RABEP1: variants seen among roughly 807,000 people sequenced by gnomAD.
The protein encoded by RABEP1 is rab GTPase-binding effector protein 1.
RABEP1 carries 51 observed loss-of-function variants against 123.4 expected under a neutral mutation model. The ratio of observed to expected loss-of-function variants is 0.41; its 90% CI spans 0.33 to 0.52. The LOEUF is 0.52. Ranked by LOEUF, RABEP1 falls within the 20% of genes least tolerant of loss-of-function variation. The pLI is 0.16. For missense variants in RABEP1, 888 were observed against 996.3 expected (o/e 0.89, Z 1.46); for synonymous variants, 347 against 355.2 (o/e 0.98, Z 0.26).
chr17:5,311,542 C>G (rs1207130302), intron 2 of RABEP1, among the ~76,000 whole-genome samples: 1 of 151,374 alleles, frequency 6.6e-6, no homozygotes, highest in Non-Finnish European at 1.5e-5. Flanking sequence ...AAAAAAAATA[C>G]AAAAATTAGA....
chr17:5,350,681 A>G (rs375400713), intron 7 of RABEP1, 52 bp downstream of exon 7: 3 of 1,578,024 alleles, frequency 1.9e-6, no homozygotes, highest in Non-Finnish European at 1.7e-6. Flanking sequence ...GTCCCCCACC[A>G]CATGTGATTG....
chr17:5,333,341 T>G (rs1333705361), intron 3 of RABEP1, among the ~76,000 whole-genome samples: 1 of 152,026 alleles, frequency 6.6e-6, no homozygotes, highest in East Asian at 1.9e-4. Context: ...TTTTTGTATT[T>G]TTAGTAGAGA....
intron 1 of RABEP1, among the ~76,000 whole-genome samples, chr17:5,284,851 T>TA (rs11417038): frequency 0.13 from 18,550 of 143,868 alleles, 1,833 homozygotes; most frequent in East Asian, 0.49. Flanking sequence ...TCCTGCTGAT[T>TA]AAAAAAAAAA....
intron 4 of RABEP1, 29 bp downstream of exon 4, chr17:5,335,373 A>C: frequency 1.3e-6 from 2 of 1,569,516 alleles, no homozygotes; most frequent in Non-Finnish European, 1.7e-6. Flanking sequence ...ATTTGTAGAA[A>C]TATTTGAATT....
At chr17:5,315,154 A>C (rs2075283926) in intron 2 of RABEP1, among the ~76,000 whole-genome samples, 1 of 152,260 alleles carries the variant, frequency 6.6e-6, no homozygotes, top group Non-Finnish European at 1.5e-5. Flanking sequence ...AGCTAGATTT[A>C]GGAAGCTATC....
chr17:5,384,263 T>TACAAGCATTAGATTCCTTTC lies in RABEP1; in HGVS notation c.*1041_*1060dup, dbSNP rs1911754542. ...GAATTGGAAATCTGTCTTGTCATTT[T>TACAAGCATTAGATTCCTTTC]ACAAGCATTAGATTCCTTTCCTGTG... On this transcript the variant is annotated 3_prime_UTR_variant, in exon 18 of 18. Transcript: ENST00000537505. The TACAAGCATTAGATTCCTTTC allele has an allele frequency of 1.4e-5, 3 of 213,926 alleles. No individual in the cohort carries two copies. The South Asian group carries it at 5.6e-4, about 40-fold the overall frequency. 13.3% of individuals were successfully genotyped at this position (213,926 alleles called of 1,614,324 possible). A position where few individuals can be genotyped will look rare whatever the true frequency, so the allele number is the denominator to read the frequency against.
chr17:5,368,167 CG>C (rs1268443863), intron 11 of RABEP1, among the ~76,000 whole-genome samples: 1 of 152,084 alleles, frequency 6.6e-6, no homozygotes, highest in African/African-American at 2.4e-5. Context: ...GCATGTGACT[CG>C]GGTTTTGGCA....
intron 10 of RABEP1, among the ~76,000 whole-genome samples, chr17:5,363,944 G>C (rs764462784): frequency 5.9e-5 from 9 of 152,152 alleles, no homozygotes; most frequent in Non-Finnish European, 1.0e-4. Flanking sequence ...GTCTACGTAA[G>C]AAAGATACTT....
chr17:5,310,301 CTTT>C (rs11432831), intron 2 of RABEP1, among the ~76,000 whole-genome samples: 2 of 126,434 alleles, frequency 1.6e-5, no homozygotes, highest in African/African-American at 3.1e-5. Flanking sequence ...AAGCTTCGTC[CTTT>C]TTTTTTTTTT....
At position 5,324,570 on chromosome 17, in the gene RABEP1, A is replaced by G. The variant is rs773536049; in HGVS notation, c.164-7379A>G. On this transcript the variant is annotated intron_variant, in intron 2 of 17. Coordinates refer to ENST00000537505, the MANE Select transcript of RABEP1 (RefSeq NM_004703.6). ...TCAAAAGCATAGGCAAAAATAGACA[A>G]ATGGGATTGCATCAGGCTAAGAAGC... Among the ~76,000 whole-genome samples the G allele has an allele frequency of 2.0e-5, 3 of 152,200 alleles. 1 individual carries two copies. The highest frequency in any genetic ancestry group is 2.0e-4 in the Admixed American group (3 of 15,284).
At position 5,381,414 on chromosome 17, in the gene RABEP1, A is replaced by G. The variant is rs771963622; in HGVS notation, c.2396A>G (p.Glu799Gly). ...AKATVEQLMF[E>G]EKNKAQRLQT... Reference sequence around the variant, plus strand: ...GCTACCGTTGAACAACTAATGTTTGAAGAGAAGAATAAAGCTCAGAGATTA... The same window carrying G: ...GCTACCGTTGAACAACTAATGTTTGGAGAGAAGAATAAAGCTCAGAGATTA... The change falls in exon 17 of 18, where the codon GAA becomes GGA. Residue 799 changes from glutamate to glycine, a missense_variant. Physicochemically the swap from Glu to Gly is moderately conservative, Grantham distance 98. Transcript: ENST00000537505. 2 of 1,613,378 alleles carry G rather than the reference A, an allele frequency of 1.2e-6. No individual in the cohort carries two copies. The highest frequency in any genetic ancestry group is 1.7e-6 in the Non-Finnish European group (2 of 1,179,704).
chr17:5,306,739 T>TTA (rs953486693), intron 1 of RABEP1, among the ~76,000 whole-genome samples: 12 of 151,556 alleles, frequency 7.9e-5, no homozygotes, highest in African/African-American at 2.9e-4. Flanking sequence ...TCTGGCTATA[T>TTA]ACAAGGTCAT....
At chr17:5,330,706 C>T (rs1026974767) in intron 2 of RABEP1, among the ~76,000 whole-genome samples, 3 of 151,648 alleles carry the variant, frequency 2.0e-5, no homozygotes, top group African/African-American at 7.3e-5. Context: ...TTCATAAATA[C>T]CTTACAACTT....
At chr17:5,292,421 C>T (rs1316682529) in intron 1 of RABEP1, among the ~76,000 whole-genome samples, 1 of 151,602 alleles carries the variant, frequency 6.6e-6, no homozygotes, top group Non-Finnish European at 1.5e-5. Flanking sequence ...TGGAGTTTCG[C>T]TTCGTTACCA....
rs368640006 is a variant in RABEP1, at chr17:5,368,382, G to A, written c.1798G>A (p.Val600Ile). Reference sequence around the variant, plus strand: ...TGTTTTTTTAAAGATCTCTGCACTCGTCCTAAGAGCCCAGGCCTCCGAGAT... The same window carrying A: ...TGTTTTTTTAAAGATCTCTGCACTCATCCTAAGAGCCCAGGCCTCCGAGAT... The part of the protein sequence containing the change: ...EDSSHQISAL[V>I]LRAQASEILL... Residue 600 changes from valine to isoleucine, a missense_variant, in exon 12 of 18, where the codon GTC (valine) becomes ATC (isoleucine). Coordinates refer to ENST00000537505, the MANE Select transcript of RABEP1 (RefSeq NM_004703.6). 10 of 1,611,418 alleles carry A rather than the reference G, an allele frequency of 6.2e-6. No individual in the cohort carries two copies. In the African/African-American group the frequency reaches 1.2e-4, roughly 19 times the overall value.
chr17:5,378,297 C>T, intron 15 of RABEP1, 65 bp downstream of exon 15: 2 of 1,392,648 alleles, frequency 1.4e-6, no homozygotes, highest in Non-Finnish European at 2.0e-6. Context: ...TCCTACTATG[C>T]TGCACCCAAC....
chr17:5,283,184 AAAT>A (rs1293741038), intron 1 of RABEP1, among the ~76,000 whole-genome samples: 1 of 152,180 alleles, frequency 6.6e-6, no homozygotes, highest in African/African-American at 2.4e-5. Flanking sequence ...TTATCTATAA[AAAT>A]AGCAACACGA....
chr17:5,320,436 A>AT, intron 2 of RABEP1, among the ~76,000 whole-genome samples: 1 of 148,882 alleles, frequency 6.7e-6, no homozygotes, highest in South Asian at 2.1e-4. Flanking sequence ...AAAAAAAAAA[A>AT]AAAAAAAAGA....
At chr17:5,328,692 C>A (rs1906212791) in intron 2 of RABEP1, among the ~76,000 whole-genome samples, 1 of 147,838 alleles carries the variant, frequency 6.8e-6, no homozygotes, top group Non-Finnish European at 1.5e-5. Flanking sequence ...GTGGCTCACG[C>A]CTGTAATCCC....
Sources: allele counts gnomAD v4.1 joint callset (sites outside exome capture counted in the v4.1 genomes callset), GRCh38; gene constraint gnomAD v4.1.1; transcripts MANE v1.5; gene names NCBI Gene and HGNC (gene_info 2026-07-23, HGNC 2026-07-21).